The following TTC27 variants were observed in gnomAD, a reference collection of about 807,000 sequenced individuals.
TTC27 encodes tetratricopeptide repeat domain 27.
A neutral mutation model predicts 115.9 loss-of-function variants in TTC27; 79 were observed. The observed-to-expected ratio is 0.68, with a 90% CI of 0.57 to 0.82. TTC27 has a LOEUF of 0.82. Among genes scored for constraint, TTC27 ranks in the 40% least tolerant of loss-of-function variants. TTC27 has a pLI of 0.00. For synonymous variants in TTC27, 401 were observed against 356.0 expected, an observed-to-expected ratio of 1.13 and a Z score of -1.42; for missense variants, 1,054 against 993.1, an observed-to-expected ratio of 1.06 and a Z score of -0.82.
At chr2:32,702,080 A>G (rs189715176) in intron 9 of TTC27, among the ~76,000 whole-genome samples, 83 of 152,086 alleles carry the variant, frequency 5.5e-4, no homozygotes, top group Middle Eastern at 3.4e-3. Context: ...GCTCTCAGAG[A>G]TCTGATATAC....
intron 5 of TTC27, among the ~76,000 whole-genome samples, chr2:32,651,440 G>A (rs1056218349): frequency 6.6e-6 from 1 of 152,086 alleles, no homozygotes; most frequent in Non-Finnish European, 1.5e-5. Context: ...TCCGCCTCCC[G>A]GGTTCAAACA....
intron 9 of TTC27, among the ~76,000 whole-genome samples, chr2:32,685,161 C>G (rs1666588270): frequency 6.6e-6 from 1 of 151,832 alleles, no homozygotes; most frequent in Admixed American, 6.6e-5. Flanking sequence ...TCCTGAGTAG[C>G]TGGGATTACA....
At chr2:32,810,881 T>A in intron 16 of TTC27, 143 bp from the exon 17 acceptor site, 1 of 903,954 alleles carries the variant, frequency 1.1e-6, no homozygotes. Context: ...TTATTTTGCT[T>A]TTCAAAAGCT....
At chr2:32,645,587 T>G (rs1042248323) in intron 4 of TTC27, among the ~76,000 whole-genome samples, 1 of 152,164 alleles carries the variant, frequency 6.6e-6, no homozygotes, top group African/African-American at 2.4e-5. Flanking sequence ...TTAGGGTACA[T>G]GTGCACAATG....
At chr2:32,736,665 T>C (rs1381011227) in intron 11 of TTC27, 29 bp from the exon 12 acceptor site, 1 of 1,613,180 alleles carries the variant, frequency 6.2e-7, no homozygotes, top group Non-Finnish European at 8.5e-7. Flanking sequence ...CACCAAGAAG[T>C]ATTAATTATT....
chr2:32,685,332 C>T (rs1300304121), intron 9 of TTC27, among the ~76,000 whole-genome samples: 1 of 152,010 alleles, frequency 6.6e-6, no homozygotes, highest in African/African-American at 2.4e-5. Context: ...GCCCAGCCTG[C>T]CTGTTCGTTA....
In TTC27 at chr2:32,702,797, CT is replaced by C; in HGVS notation, c.1120-8del. 6.3e-7 allele frequency: 1 copy of C among 1,589,772 alleles called. No homozygotes were observed. Among genetic ancestry groups the C allele is most frequent in the Non-Finnish European group, 8.6e-7 (1 of 1,159,608 alleles). On this transcript the variant is annotated splice_polypyrimidine_tract_variant and intron_variant, in intron 9 of 19. Transcript: ENST00000317907. Reference sequence around the variant, plus strand: ...CTTTTCTATGATTTTTTTCTTCCCGCTTCTATCAGTGTTTGCTTTCACAACC... The same window carrying C: ...CTTTTCTATGATTTTTTTCTTCCCGCTCTATCAGTGTTTGCTTTCACAACC...
At chr2:32,792,322 T>A (rs2148027365) in intron 16 of TTC27, among the ~76,000 whole-genome samples, 1 of 152,236 alleles carries the variant, frequency 6.6e-6, no homozygotes, top group East Asian at 1.9e-4. Context: ...AAATTATAGC[T>A]TTGGAAAATA....
At chr2:32,810,975 T>G in intron 16 of TTC27, 49 bp from the exon 17 acceptor site, 1 of 1,585,948 alleles carries the variant, frequency 6.3e-7, no homozygotes, top group Non-Finnish European at 8.6e-7. Flanking sequence ...TTGTTTTTGT[T>G]ATTGTTTGTT....
rs1341402629 is a variant in TTC27 at position 32,659,322 on chromosome 2, G to C, written c.641-4981G>C. Among the ~76,000 whole-genome samples the C allele has an allele frequency of 8.3e-5, 12 of 143,986 alleles. No homozygotes were observed. The East Asian group carries it at 1.0e-3, about 12-fold the overall frequency. The allele number at this position is 143,986 out of a possible 152,430, so 94.5% of individuals were successfully genotyped here. A position where few individuals can be genotyped will look rare whatever the true frequency, so the allele number is the denominator to read the frequency against. ...TCTCTCTGAAGAAAACTTGTAAACTGATATCGTCTTCATCAGATTTTTGGT... is the reference window on the plus strand; with the variant it reads ...TCTCTCTGAAGAAAACTTGTAAACTCATATCGTCTTCATCAGATTTTTGGT... On this transcript the variant is annotated intron_variant, in intron 5 of 19. Transcript: ENST00000317907.
intron 6 of TTC27, among the ~76,000 whole-genome samples, chr2:32,664,691 G>C (rs111955846): frequency 6.6e-6 from 1 of 152,110 alleles, no homozygotes; most frequent in South Asian, 2.1e-4. Context: ...CTGTTTAGCC[G>C]TGTTAGTAAT....
rs1368902300 is a variant in TTC27, at chr2:32,640,390, C to T, written c.517C>T (p.His173Tyr). 8 of 1,613,550 alleles carry T rather than the reference C, an allele frequency of 5.0e-6. No homozygotes were observed. The highest frequency in any genetic ancestry group is 5.1e-6 in the Non-Finnish European group (6 of 1,179,966). ...LARIILVNVR[H>Y]KLTAIQSLPW... is the part of the protein sequence containing the mutation. ...ACGCATTATCCTAGTGAATGTAAGA[C>T]ATAAACTGACAGCTATTCAGGTAAG... Residue 173 changes from histidine to tyrosine, a missense_variant, in exon 4 of 20, where the codon CAT (histidine) becomes TAT (tyrosine). His to Tyr is a moderately conservative substitution (Grantham distance 83). Transcript: ENST00000317907.
In TTC27 at chr2:32,736,625, A is replaced by G; in HGVS notation, c.1330-69A>G. ...ACCCCTAAAAAGGCAGATTAGGTAC[A>G]CCTGCAAGTGAAACAGGAATCTCTT... On this transcript the variant is annotated intron_variant, in intron 11 of 19. Transcript: ENST00000317907. 3.1e-6 allele frequency: 5 copies of G among 1,589,776 alleles called. No homozygotes were observed. The South Asian group carries it at 5.6e-5, about 18-fold the overall frequency.
intron 12 of TTC27, among the ~76,000 whole-genome samples, chr2:32,757,517 T>C (rs1158482517): frequency 6.6e-6 from 1 of 152,194 alleles, no homozygotes; most frequent in Non-Finnish European, 1.5e-5. Context: ...CTTTTACAGA[T>C]GGAAGGTTTG....
At chr2:32,650,026 A>G (rs1665028251) in intron 4 of TTC27, 105 bp from the exon 5 acceptor site, 5 of 910,194 alleles carry the variant, frequency 5.5e-6, no homozygotes, top group South Asian at 1.6e-5. Context: ...ATTGAGGAAT[A>G]AATTTAATTT....
intron 5 of TTC27, among the ~76,000 whole-genome samples, chr2:32,656,800 C>T (rs895015552): frequency 5.9e-5 from 9 of 152,114 alleles, no homozygotes; most frequent in Non-Finnish European, 1.2e-4. Flanking sequence ...ATTATCCAGT[C>T]TTTATGGGTT....
At position 32,748,908 on chromosome 2, in the gene TTC27, G is replaced by A. The variant is rs182101594; in HGVS notation, c.1453-9384G>A. ...TCACCATGTTGGCCAGACTGGTCTC[G>A]AACTCCTGACCTCAGGAGATCTGCC... On this transcript the variant is annotated intron_variant, in intron 12 of 19. Transcript: ENST00000317907. Among the ~76,000 whole-genome samples, 456 of 151,980 alleles carry A rather than the reference G, an allele frequency of 3.0e-3. 7 individuals carry two copies. The highest frequency in any genetic ancestry group is 0.011 in the African/African-American group (438 of 41,468).
At chr2:32,651,328 A>C (rs1450816824) in intron 5 of TTC27, among the ~76,000 whole-genome samples, 1 of 152,096 alleles carries the variant, frequency 6.6e-6, no homozygotes, top group Non-Finnish European at 1.5e-5. Context: ...GGGCTCTTGT[A>C]CCTTTTGGGG....
chr2:32,713,651 T>A (rs1030448683), intron 10 of TTC27, among the ~76,000 whole-genome samples: 1 of 152,224 alleles, frequency 6.6e-6, no homozygotes, highest in Admixed American at 6.5e-5. Flanking sequence ...AATTTGAGAT[T>A]ATTGCAGTTT....
Sources: allele counts gnomAD v4.1 joint callset (sites outside exome capture counted in the v4.1 genomes callset), GRCh38; gene constraint gnomAD v4.1.1; transcripts MANE v1.5; gene names NCBI Gene and HGNC (gene_info 2026-07-23, HGNC 2026-07-21).